Variants in CNTLN observed in about 807,000 individuals in gnomAD.
CNTLN encodes centlein, centrosomal protein.
In CNTLN, 212 loss-of-function variants were observed where a neutral mutation model predicts 180.0. That is an observed-to-expected ratio of 1.18 (90% CI 1.05 to 1.32). The LOEUF is 1.32. CNTLN is among the 40% of genes most tolerant of loss of function. The pLI is 0.00. For synonymous variants in CNTLN, 722 were observed against 563.1 expected, an observed-to-expected ratio of 1.28 and a Z score of -3.99; for missense variants, 2,095 against 1,610.9, an observed-to-expected ratio of 1.30 and a Z score of -5.14.
At chr9:17,264,487 AGCTTTGTTCTTTTG>A (rs1827255016) in intron 5 of CNTLN, among the ~76,000 whole-genome samples, 1 of 149,570 alleles carries the variant, frequency 6.7e-6, no homozygotes, top group Non-Finnish European at 1.5e-5. Flanking sequence ...TGATGCCTTC[AGCTTTGTTCTTTTG>A]GCTTAGGATT....
At chr9:17,306,490 G>A (rs1381084328) in intron 7 of CNTLN, among the ~76,000 whole-genome samples, 1 of 152,182 alleles carries the variant, frequency 6.6e-6, no homozygotes, top group African/African-American at 2.4e-5. Flanking sequence ...TAGATGAGAG[G>A]AGATAAATTA....
chr9:17,332,950 T>G (rs1448962012), intron 10 of CNTLN, among the ~76,000 whole-genome samples: 4 of 152,116 alleles, frequency 2.6e-5, no homozygotes, highest in Non-Finnish European at 4.4e-5. Context: ...TTTACTACTT[T>G]CAAGTTATTT....
At chr9:17,401,801 A>G (rs961825365) in intron 15 of CNTLN, among the ~76,000 whole-genome samples, 3 of 122,678 alleles carry the variant, frequency 2.4e-5, no homozygotes, top group Admixed American at 8.4e-5. Context: ...ACAGAGCCAG[A>G]TATGAAAAAG....
chr9:17,216,569 T>A (rs965104122), intron 2 of CNTLN, among the ~76,000 whole-genome samples: 16 of 152,242 alleles, frequency 1.1e-4, no homozygotes, highest in African/African-American at 3.9e-4. Flanking sequence ...GTTCAAAGAT[T>A]TAATTTCATA....
intron 19 of CNTLN, among the ~76,000 whole-genome samples, chr9:17,458,265 C>G (rs895420539): frequency 1.3e-5 from 2 of 151,048 alleles, no homozygotes; most frequent in African/African-American, 2.4e-5. Context: ...CTGTCAGCAA[C>G]TTAAAAGTAA....
intron 23 of CNTLN, among the ~76,000 whole-genome samples, chr9:17,468,473 G>T (rs1831874297): frequency 6.6e-6 from 1 of 151,136 alleles, no homozygotes; most frequent in African/African-American, 2.4e-5. Context: ...CATAAATCTT[G>T]GTTTTTGTTT....
At chr9:17,311,616 G>C (rs1248495002) in intron 8 of CNTLN, among the ~76,000 whole-genome samples, 3 of 151,586 alleles carry the variant, frequency 2.0e-5, no homozygotes, top group African/African-American at 7.3e-5. Flanking sequence ...GAGACCATCC[G>C]GGCCAACCTG....
At chr9:17,248,296 A>C (rs116714100) in intron 5 of CNTLN, among the ~76,000 whole-genome samples, 2 of 152,104 alleles carry the variant, frequency 1.3e-5, no homozygotes, top group East Asian at 3.9e-4. Flanking sequence ...TTGTTATAAC[A>C]GTTTTAGAGG....
intron 15 of CNTLN, among the ~76,000 whole-genome samples, chr9:17,408,972 T>C (rs1827627528): frequency 6.6e-6 from 1 of 152,164 alleles, no homozygotes; most frequent in Admixed American, 6.5e-5. Flanking sequence ...TTTCTGGCCT[T>C]GTTGGGAAAG....
chr9:17,201,256 C>T (rs1018256699), intron 2 of CNTLN, among the ~76,000 whole-genome samples: 4 of 152,002 alleles, frequency 2.6e-5, no homozygotes, highest in South Asian at 2.1e-4. Flanking sequence ...TGAGGATTTT[C>T]GTATTGATGT....
At chr9:17,486,254 G>A (rs1300186443) in intron 24 of CNTLN, among the ~76,000 whole-genome samples, 1 of 152,004 alleles carries the variant, frequency 6.6e-6, no homozygotes, top group East Asian at 1.9e-4. Context: ...AACTGTGATA[G>A]CCTATCTGAA....
At chr9:17,222,595 G>T (rs1466362158) in intron 2 of CNTLN, among the ~76,000 whole-genome samples, 3 of 151,948 alleles carry the variant, frequency 2.0e-5, no homozygotes, top group Non-Finnish European at 2.9e-5. Context: ...CTCCTGCCAT[G>T]ATTCTGAGGC....
rs1464195006 is a variant in CNTLN, at chr9:17,484,319, G to T, written c.3880G>T (p.Asp1294Tyr). 1.9e-6 allele frequency: 3 copies of T among 1,600,768 alleles called. No homozygotes were observed. Among genetic ancestry groups the T allele is most frequent in the East Asian group, 2.2e-5 (1 of 44,776 alleles). Residue 1294 changes from aspartate (D) to tyrosine (Y), a missense_variant, in exon 24 of 26, where the codon GAT (aspartate) becomes TAT (tyrosine). By Grantham distance (160) the Asp-to-Tyr change is radical. Transcript: ENST00000380647. ...GGCTTTGGCCAAAGAGTTGCAAAAT[G>T]ATGTCCATGTGGTAAGGCGACAAAT... ...VKALAKELQNDVHVVRRQIRE... is the reference protein window; with the variant it reads ...VKALAKELQNYVHVVRRQIRE...
At chr9:17,348,624 G>A (rs1430564292) in intron 12 of CNTLN, among the ~76,000 whole-genome samples, 1 of 151,312 alleles carries the variant, frequency 6.6e-6, no homozygotes, top group African/African-American at 2.4e-5. Context: ...TCTGCCTCCT[G>A]GGTTCAAGTA....
At chr9:17,358,015 T>C (rs535742971) in intron 12 of CNTLN, among the ~76,000 whole-genome samples, 2 of 152,124 alleles carry the variant, frequency 1.3e-5, no homozygotes, top group South Asian at 4.1e-4. Flanking sequence ...GGTAAAGTTA[T>C]CTTCAGATAT....
In CNTLN at chr9:17,226,282, G is replaced by T; in HGVS notation, c.529G>T (p.Glu177Ter). The T allele has an allele frequency of 1.3e-6, 2 of 1,546,622 alleles. No homozygotes were observed. The highest frequency in any genetic ancestry group is 2.4e-5 in the South Asian group (2 of 81,702). Reference protein sequence around the residue: ...QVKDAKIQEFEQRESVLKQEI... With the variant: ...QVKDAKIQEF ...CAAGGATGCCAAAATACAAGAATTT[G>T]AACAGGTTGGTGTTATAATAAAAAT... Residue 177 changes from glutamate (E) to a stop codon, truncating the protein, a stop_gained, in exon 3 of 26, where the codon GAA (glutamate) becomes TAA (stop). Transcript: ENST00000380647. LOFTEE classifies it high-confidence loss of function.
At chr9:17,505,671 G>A (rs569199961), downstream of CNTLN, among the ~76,000 whole-genome samples, 2 of 152,218 alleles carry the variant, frequency 1.3e-5, no homozygotes. Context: ...AAGACCATGG[G>A]TTAGGATACT....
chr9:17,309,671 G>C (rs1417640735), intron 8 of CNTLN, among the ~76,000 whole-genome samples: 1 of 44,774 alleles, frequency 2.2e-5, no homozygotes, highest in Non-Finnish European at 6.1e-5. Context: ...CCACTACCTT[G>C]ATAACATGAT....
intron 13 of CNTLN, among the ~76,000 whole-genome samples, chr9:17,368,750 CAGTAGTTCT>C (rs937550913): frequency 1.7e-4 from 26 of 152,192 alleles, no homozygotes; most frequent in Non-Finnish European, 3.4e-4. Flanking sequence ...ACTGCCCAGG[CAGTAGTTCT>C]AGAAGTCGGC....
Sources: gnomAD v4.1 joint callset for allele counts (sites outside exome capture counted in the v4.1 genomes callset) on GRCh38, gnomAD v4.1.1 for gene constraint, MANE v1.5 for transcripts, NCBI Gene and HGNC (gene_info 2026-07-23, HGNC 2026-07-21) for gene names.